CRB1: variants seen among roughly 807,000 people sequenced by gnomAD.
The protein encoded by CRB1 is protein crumbs homolog 1.
In CRB1, 83 loss-of-function variants were observed where a neutral mutation model predicts 120.0. That is an observed-to-expected ratio of 0.69 (90% CI 0.58 to 0.83). The LOEUF (loss-of-function observed/expected upper bound fraction) is 0.83. Among genes scored for constraint, CRB1 ranks in the 40% least tolerant of loss-of-function variants. The probability of loss-of-function intolerance (pLI) is 0.00; values close to 1 mark genes in which losing one functional copy is unlikely to be tolerated. For synonymous variants in CRB1, 625 were observed against 612.5 expected (o/e 1.02, Z -0.30); for missense variants, 1,699 against 1,687.6 (o/e 1.01, Z -0.12).
At chr1:197,439,397 C>T (rs1184655336) in intron 10 of CRB1, 1 of 152,238 alleles carries the variant, frequency 6.6e-6, no homozygotes, top group African/African-American at 2.4e-5. Context: ...CTTACAAATA[C>T]CATCTCTAAT....
intron 4 of CRB1, among the ~76,000 whole-genome samples, chr1:197,354,567 G>A (rs1388401768): frequency 6.6e-6 from 1 of 151,972 alleles, no homozygotes; most frequent in African/African-American, 2.4e-5. Context: ...AAGATGGCAC[G>A]TCTGGCCGCG....
chr1:197,255,911 G>A, the CRB1 span, among the ~76,000 whole-genome samples: 2 of 142,720 alleles, frequency 1.4e-5, no homozygotes, highest in South Asian at 4.4e-4. Context: ...CCTATCTACT[G>A]GGCCATTCCC....
At chr1:197,450,127 G>A (rs1348564948) in intron 11 of CRB1, among the ~76,000 whole-genome samples, 1 of 152,178 alleles carries the variant, frequency 6.6e-6, no homozygotes, top group Non-Finnish European at 1.5e-5. Flanking sequence ...CCCTCAGATT[G>A]TTGTTTTTTG....
the CRB1 span, among the ~76,000 whole-genome samples, chr1:197,203,949 C>G: frequency 6.6e-6 from 1 of 152,186 alleles, no homozygotes; most frequent in African/African-American, 2.4e-5. Flanking sequence ...TCACCCCCCT[C>G]CCACCCTTTC....
chr1:197,220,654 T>G, the CRB1 span, among the ~76,000 whole-genome samples: 1,015 of 152,332 alleles, frequency 6.7e-3, 9 homozygotes, highest in Admixed American at 0.014. Flanking sequence ...TTAGCATAAT[T>G]ATTGATATGG....
rs899402946 is a variant in CRB1 at position 197,478,061 on chromosome 1, T to A, written c.*182T>A. The A allele has an allele frequency of 1.5e-6, 1 of 665,144 alleles. No homozygotes were observed. Among genetic ancestry groups the A allele is most frequent in the Non-Finnish European group, 2.6e-6 (1 of 382,364 alleles). The allele number at this position is 665,144 out of a possible 1,614,324, so 41.2% of individuals were successfully genotyped here. Reference sequence around the variant, plus strand: ...GGTTCCGCTCGACACCATTGTTTTATTATATTATATCAGCCAATTGCAAAA... The same window carrying A: ...GGTTCCGCTCGACACCATTGTTTTAATATATTATATCAGCCAATTGCAAAA... On this transcript the variant is annotated 3_prime_UTR_variant, in exon 12 of 12. Transcript: ENST00000367400.
chr1:197,430,027 C>T (rs1001881863), intron 8 of CRB1, among the ~76,000 whole-genome samples: 1 of 152,146 alleles, frequency 6.6e-6, no homozygotes, highest in African/African-American at 2.4e-5. Context: ...ATAGGGAGAA[C>T]ACTTTCTACT....
intron 1 of CRB1, among the ~76,000 whole-genome samples, chr1:197,269,939 C>T (rs1654816216): frequency 1.3e-5 from 2 of 152,040 alleles, no homozygotes; most frequent in East Asian, 1.9e-4. Context: ...TATTTTTATT[C>T]GTTTAAAAAA....
In CRB1 at chr1:197,356,905, G is replaced by C. The variant is rs750352473; in HGVS notation, c.1063G>C (p.Val355Leu). The change falls in exon 5 of 12, where the codon GTG becomes CTG. Residue 355 changes from valine (V) to leucine (L), a missense_variant. By Grantham distance (32) the Val-to-Leu change is conservative. Coordinates refer to ENST00000367400, the MANE Select transcript of CRB1 (RefSeq NM_201253.3). ...SNPCQSNGEC[V>L]ELSSEKQYGR... is the part of the protein sequence containing the mutation. ...CCCCTGCCAGTCCAATGGGGAATGT[G>C]TGGAGCTGTCCTCAGAGAAACAATA... 5 of 1,614,088 alleles carry C rather than the reference G, an allele frequency of 3.1e-6. No homozygotes were observed.
chr1:197,397,376 A>G (rs1030986625), intron 5 of CRB1, among the ~76,000 whole-genome samples: 1 of 152,124 alleles, frequency 6.6e-6, no homozygotes, highest in African/African-American at 2.4e-5. Flanking sequence ...AGGGATGTAA[A>G]ATGGAAAACA....
At chr1:197,286,612 G>C (rs918533295) in intron 1 of CRB1, among the ~76,000 whole-genome samples, 8 of 151,800 alleles carry the variant, frequency 5.3e-5, no homozygotes, top group Admixed American at 4.6e-4. Flanking sequence ...AATGAAACAT[G>C]AATTTTGAAA....
chr1:197,387,449 G>A (rs1356130816), intron 5 of CRB1, among the ~76,000 whole-genome samples: 1 of 151,872 alleles, frequency 6.6e-6, no homozygotes. Flanking sequence ...CTAGATTTTT[G>A]TATATCTTTT....
the CRB1 span, among the ~76,000 whole-genome samples, chr1:197,260,065 G>A: frequency 2.0e-5 from 3 of 152,040 alleles, no homozygotes; most frequent in South Asian, 6.2e-4. Flanking sequence ...AGGTTGGGAG[G>A]ATCACTTGAG....
At chr1:197,476,375 T>C (rs1203186631) in intron 11 of CRB1, among the ~76,000 whole-genome samples, 7 of 135,422 alleles carry the variant, frequency 5.2e-5, no homozygotes, top group Admixed American at 3.2e-4. Context: ...TGTGTGTGTG[T>C]GTGTGTGTGT....
intron 9 of CRB1, among the ~76,000 whole-genome samples, chr1:197,437,243 T>A (rs1248937206): frequency 6.6e-6 from 1 of 152,126 alleles, no homozygotes; most frequent in Non-Finnish European, 1.5e-5. Flanking sequence ...CTAGCAAACA[T>A]AACATGTAGG....
chr1:197,297,128 G>C (rs1656572527), intron 1 of CRB1, among the ~76,000 whole-genome samples: 1 of 151,392 alleles, frequency 6.6e-6, no homozygotes, highest in Non-Finnish European at 1.5e-5. Context: ...CCTATGACTG[G>C]GCCACTGAAT....
intron 1 of CRB1, among the ~76,000 whole-genome samples, chr1:197,296,400 T>A (rs184882384): frequency 1.3e-5 from 2 of 152,194 alleles, no homozygotes; most frequent in East Asian, 3.9e-4. Context: ...AAACTGTACC[T>A]GGAATATAGT....
intron 4 of CRB1, among the ~76,000 whole-genome samples, chr1:197,353,985 A>G (rs1481677121): frequency 6.6e-6 from 1 of 150,910 alleles, no homozygotes; most frequent in Non-Finnish European, 1.5e-5. Context: ...ATGGAAAACA[A>G]CCTAATGAAA....
intron 1 of CRB1, among the ~76,000 whole-genome samples, chr1:197,319,122 A>T (rs562061098): frequency 6.6e-6 from 1 of 151,644 alleles, no homozygotes; most frequent in Admixed American, 6.6e-5. Flanking sequence ...ATATTAAACA[A>T]AGGTATATTA....
Sources: gnomAD v4.1 joint callset for allele counts (sites outside exome capture counted in the v4.1 genomes callset) on GRCh38, gnomAD v4.1.1 for gene constraint, MANE v1.5 for transcripts, NCBI Gene and HGNC (gene_info 2026-07-23, HGNC 2026-07-21) for gene names.